Variants in MTCL2 observed in about 807,000 individuals in gnomAD.
The protein encoded by MTCL2 is microtubule crosslinking factor 2, also known as microtubule cross-linking factor 2.
the MTCL2 span, among the ~76,000 whole-genome samples, chr20:36,844,009 C>T: frequency 5.3e-5 from 8 of 150,666 alleles, no homozygotes; most frequent in Admixed American, 6.6e-5. Flanking sequence ...AGGCCAAGGC[C>T]GGCAGATCAC....
At chr20:36,858,572 A>G in the MTCL2 span, among the ~76,000 whole-genome samples, 1 of 151,856 alleles carries the variant, frequency 6.6e-6, no homozygotes, top group African/African-American at 2.4e-5. Context: ...GCAGCTACTG[A>G]TGTATTAACA....
chr20:36,828,324 T>A, the MTCL2 span, among the ~76,000 whole-genome samples: 1 of 152,166 alleles, frequency 6.6e-6, no homozygotes, highest in Non-Finnish European at 1.5e-5. Flanking sequence ...CTTGAGGTTG[T>A]CCCTCCCTCT....
At chr20:36,787,065 G>A in the MTCL2 span, among the ~76,000 whole-genome samples, 1 of 151,694 alleles carries the variant, frequency 6.6e-6, no homozygotes, top group Non-Finnish European at 1.5e-5. Context: ...GGGCTCAAGC[G>A]ATCCTCCTGC....
At chr20:36,809,877 C>T in the MTCL2 span, 9 of 1,413,302 alleles carry the variant, frequency 6.4e-6, no homozygotes, top group East Asian at 1.8e-4. Flanking sequence ...CCCAGCCTCC[C>T]CTGACTTTCT....
the MTCL2 span, among the ~76,000 whole-genome samples, chr20:36,828,268 T>A: frequency 7.9e-4 from 121 of 152,298 alleles, no homozygotes; most frequent in African/African-American, 2.8e-3. Flanking sequence ...CCTAGGCTGA[T>A]GGTTTCTAGC....
chr20:36,812,948 T>C, the MTCL2 span: 1 of 1,361,506 alleles, frequency 7.3e-7, no homozygotes, highest in Non-Finnish European at 9.8e-7. Flanking sequence ...CCTAAGAGGC[T>C]TGAACCACCC....
the MTCL2 span, chr20:36,781,685 A>AAAT: frequency 6.6e-6 from 1 of 151,136 alleles, no homozygotes; most frequent in Non-Finnish European, 1.5e-5. Context: ...CTGTCTCTAA[A>AAAT]AATAATAATA....
the MTCL2 span, among the ~76,000 whole-genome samples, chr20:36,811,900 C>T: frequency 6.6e-6 from 1 of 152,152 alleles, no homozygotes; most frequent in African/African-American, 2.4e-5. Flanking sequence ...AGGGATACTC[C>T]ACCCAGTCCG....
chr20:36,824,533 G>A, the MTCL2 span, among the ~76,000 whole-genome samples: 1 of 152,172 alleles, frequency 6.6e-6, no homozygotes, highest in Non-Finnish European at 1.5e-5. Flanking sequence ...ACTGTTCATA[G>A]GCATGAGGTT....
chr20:36,794,626 G>A, the MTCL2 span: 49 of 1,613,770 alleles, frequency 3.0e-5, no homozygotes, highest in African/African-American at 4.0e-5. This position sits in a 1 kb window ranked among gnomAD's most constrained non-coding sequence, Gnocchi z 5.4. Context: ...AGGAAACGTC[G>A]TTATTAGTGG....
the MTCL2 span, chr20:36,794,296 G>A: frequency 9.0e-6 from 14 of 1,555,564 alleles, no homozygotes; most frequent in South Asian, 7.1e-5. This position sits in a 1 kb window ranked among gnomAD's most constrained non-coding sequence, Gnocchi z 5.4. Context: ...CAGGGACTCC[G>A]AGGCGCCGGG....
chr20:36,800,777 C>A, the MTCL2 span, among the ~76,000 whole-genome samples: 2 of 152,188 alleles, frequency 1.3e-5, no homozygotes, highest in Non-Finnish European at 2.9e-5. Flanking sequence ...CACACCCTAA[C>A]TTGGGCAGAC....
At chr20:36,786,718 G>A in the MTCL2 span, 1 of 1,330,044 alleles carries the variant, frequency 7.5e-7, no homozygotes, top group Non-Finnish European at 1.0e-6. Flanking sequence ...GGTATGCCAG[G>A]CAAGGAACTG....
the MTCL2 span, among the ~76,000 whole-genome samples, chr20:36,836,696 A>G: frequency 1.3e-5 from 2 of 152,062 alleles, no homozygotes; most frequent in African/African-American, 2.4e-5. Context: ...TATGTTGCCC[A>G]GCCTGATTTC....
chr20:36,793,768 C>G, the MTCL2 span: 3 of 1,541,206 alleles, frequency 1.9e-6, no homozygotes, highest in Middle Eastern at 1.7e-4. The surrounding 1 kb of genome is among the most constrained non-coding windows in gnomAD (Gnocchi z 6.8). Context: ...GTGAGCCATA[C>G]TTGGGGGAGC....
the MTCL2 span, among the ~76,000 whole-genome samples, chr20:36,851,464 ACAGCAGCCACTTGGGTCGTAGGCAAC>A: frequency 1.3e-5 from 2 of 152,156 alleles, no homozygotes; most frequent in Non-Finnish European, 2.9e-5. Flanking sequence ...CACTGGCAAC[ACAGCAGCCACTTGGGTCGTAGGCAAC>A]CAGCAGCCAC....
chr20:36,786,496 G>C, the MTCL2 span: 51 of 1,544,952 alleles, frequency 3.3e-5, no homozygotes, highest in East Asian at 4.6e-4. Flanking sequence ...CACTCGCTGG[G>C]GGGGAGTGCC....
At chr20:36,795,007 C>T in the MTCL2 span, among the ~76,000 whole-genome samples, 155 of 151,594 alleles carry the variant, frequency 1.0e-3, 1 homozygote, top group Non-Finnish European at 1.9e-3. Context: ...GGCATGATCT[C>T]GGCTCACTAC....
At chr20:36,796,040 C>G in the MTCL2 span, among the ~76,000 whole-genome samples, 1 of 152,188 alleles carries the variant, frequency 6.6e-6, no homozygotes, top group Non-Finnish European at 1.5e-5. Context: ...GCTTTCCCTT[C>G]CCTGTCTCAC....
Sources: gnomAD v4.1 joint callset for allele counts (sites outside exome capture counted in the v4.1 genomes callset) on GRCh38, gnomAD v4.1.1 for gene constraint, Gnocchi (gnomAD v3.1) non-coding constraint, MANE v1.5 for transcripts, NCBI Gene and HGNC (gene_info 2026-07-23, HGNC 2026-07-21) for gene names.